Variants in CRB1 observed in about 807,000 individuals in gnomAD.
CRB1 encodes the protein crumbs cell polarity complex component 1.
A neutral mutation model predicts 120.0 loss-of-function variants in CRB1; 83 were observed. The observed-to-expected ratio is 0.69, with a 90% confidence interval of 0.58 to 0.83. The LOEUF (loss-of-function observed/expected upper bound fraction) is 0.83. Among genes scored for constraint, CRB1 ranks in the 40% least tolerant of loss-of-function variants. The pLI is 0.00. For synonymous variants in CRB1, 625 were observed against 612.5 expected (o/e 1.02, Z -0.30); for missense variants, 1,699 against 1,687.6 (o/e 1.01, Z -0.12).
chr1:197,447,317 C>T (rs57833698), intron 11 of CRB1: 1 of 152,368 alleles, frequency 6.6e-6, no homozygotes, highest in African/African-American at 2.4e-5. Flanking sequence ...AACATGGTTG[C>T]TTACTTCCTC....
At chr1:197,275,532 T>C (rs1001440155) in intron 1 of CRB1, among the ~76,000 whole-genome samples, 3 of 152,046 alleles carry the variant, frequency 2.0e-5, no homozygotes, top group South Asian at 2.1e-4. Context: ...TATTGTTCTC[T>C]TATTTTCCCC....
chr1:197,221,558 A>G, the CRB1 span, among the ~76,000 whole-genome samples: 1 of 152,228 alleles, frequency 6.6e-6, no homozygotes, highest in Admixed American at 6.5e-5. Flanking sequence ...AAGCACATAT[A>G]TTTTGAAGTA....
the CRB1 span, among the ~76,000 whole-genome samples, chr1:197,245,013 C>T: frequency 6.6e-6 from 1 of 151,910 alleles, no homozygotes; most frequent in South Asian, 2.1e-4. Flanking sequence ...ATTTTTAGTT[C>T]TAAATTTTTT....
chr1:197,415,927 C>T (rs554041473), intron 5 of CRB1, among the ~76,000 whole-genome samples: 49 of 152,246 alleles, frequency 3.2e-4, no homozygotes, highest in Non-Finnish European at 5.7e-4. Flanking sequence ...CAAGCATGAG[C>T]CACTGCGTCC....
At chr1:197,349,068 C>T (rs1160889115) in intron 4 of CRB1, among the ~76,000 whole-genome samples, 1 of 152,076 alleles carries the variant, frequency 6.6e-6, no homozygotes, top group East Asian at 1.9e-4. Context: ...ATGTTAGTAC[C>T]CTACACAGGT....
intron 5 of CRB1, among the ~76,000 whole-genome samples, chr1:197,415,159 C>A (rs1393968475): frequency 6.6e-6 from 1 of 152,066 alleles, no homozygotes; most frequent in Admixed American, 6.6e-5. Context: ...AAAGCATGAC[C>A]ATCTGCACTT....
At chr1:197,240,683 A>G in the CRB1 span, among the ~76,000 whole-genome samples, 6 of 152,178 alleles carry the variant, frequency 3.9e-5, no homozygotes, top group Non-Finnish European at 7.4e-5. Context: ...ATATGTGTGC[A>G]TGTGTCTTTA....
chr1:197,333,098 A>G (rs1340911476), intron 2 of CRB1, among the ~76,000 whole-genome samples: 2 of 152,220 alleles, frequency 1.3e-5, no homozygotes, highest in Non-Finnish European at 2.9e-5. Flanking sequence ...TCTTACAGAA[A>G]AAAACCTGTG....
chr1:197,425,793 C>T (rs969487764), intron 6 of CRB1, among the ~76,000 whole-genome samples: 6 of 152,086 alleles, frequency 3.9e-5, no homozygotes, highest in African/African-American at 1.4e-4. Flanking sequence ...GGACTTACTT[C>T]TTGGACCTCT....
chr1:197,438,496 G>A (rs912957292), intron 9 of CRB1, 51 bp from the exon 10 acceptor site: 1 of 1,606,332 alleles, frequency 6.2e-7, no homozygotes, highest in African/African-American at 1.3e-5. Flanking sequence ...AACTTTTCTT[G>A]AATGAGATGA....
intron 11 of CRB1, among the ~76,000 whole-genome samples, chr1:197,450,351 C>T (rs1385655403): frequency 1.3e-5 from 2 of 152,162 alleles, no homozygotes; most frequent in Non-Finnish European, 2.9e-5. Flanking sequence ...CTGGGCACTA[C>T]ATTCCGGGGA....
chr1:197,365,055 G>A (rs1051079289), intron 5 of CRB1, among the ~76,000 whole-genome samples: 3 of 152,146 alleles, frequency 2.0e-5, no homozygotes, highest in Non-Finnish European at 2.9e-5. Flanking sequence ...AACAGGTCCT[G>A]GCCTACTTAT....
chr1:197,386,918 A>T (rs1296408292), intron 5 of CRB1, among the ~76,000 whole-genome samples: 1 of 152,116 alleles, frequency 6.6e-6, no homozygotes, highest in Non-Finnish European at 1.5e-5. Flanking sequence ...AGTAATAGCT[A>T]TGTTTTTCTA....
the CRB1 span, among the ~76,000 whole-genome samples, chr1:197,216,525 A>C: frequency 2.0e-5 from 3 of 152,208 alleles, no homozygotes; most frequent in Non-Finnish European, 2.9e-5. Flanking sequence ...GTTACCCTTA[A>C]GTTAGTGTAA....
chr1:197,373,499 A>G (rs1233529066), intron 5 of CRB1, among the ~76,000 whole-genome samples: 1 of 152,208 alleles, frequency 6.6e-6, no homozygotes, highest in Non-Finnish European at 1.5e-5. Flanking sequence ...AGGCATAATC[A>G]TGAATTTTCA....
intron 5 of CRB1, among the ~76,000 whole-genome samples, chr1:197,400,359 T>C (rs140077978): frequency 3.3e-5 from 5 of 150,086 alleles, no homozygotes; most frequent in African/African-American, 9.9e-5. Flanking sequence ...TCACCCAGGC[T>C]GGAGAGCAGT....
intron 5 of CRB1, among the ~76,000 whole-genome samples, chr1:197,369,686 C>T (rs557829308): frequency 4.6e-5 from 7 of 152,116 alleles, no homozygotes; most frequent in Non-Finnish European, 8.8e-5. Context: ...GAAGTCCCAG[C>T]GTCCCAGTTC....
At chr1:197,233,436 T>C in the CRB1 span, among the ~76,000 whole-genome samples, 2 of 152,224 alleles carry the variant, frequency 1.3e-5, no homozygotes, top group Non-Finnish European at 2.9e-5. Flanking sequence ...TTCTCTACAC[T>C]GCACCTGATC....
chr1:197,383,882 A>T (rs562430114), intron 5 of CRB1, among the ~76,000 whole-genome samples: 1 of 152,316 alleles, frequency 6.6e-6, no homozygotes, highest in South Asian at 2.1e-4. Context: ...AATAAAGAGA[A>T]TATATAAGCA....
Sources: gnomAD v4.1 joint callset for allele counts (sites outside exome capture counted in the v4.1 genomes callset) on GRCh38, gnomAD v4.1.1 for gene constraint, MANE v1.5 for transcripts, NCBI Gene and HGNC (gene_info 2026-07-23, HGNC 2026-07-21) for gene names.